The following ST6GAL2 variants were observed in gnomAD, a reference collection of about 807,000 sequenced individuals.
The protein encoded by ST6GAL2 is beta-galactoside alpha-2,6-sialyltransferase 2.
In ST6GAL2, 24 loss-of-function variants were observed where a neutral mutation model predicts 37.5. The ratio of observed to expected loss-of-function variants is 0.64; its 90% CI spans 0.46 to 0.90. The LOEUF (loss-of-function observed/expected upper bound fraction) is 0.90, where lower values mean the gene tolerates loss of function less well. Among genes scored for constraint, ST6GAL2 ranks in the 40% least tolerant of loss-of-function variants. ST6GAL2 has a pLI of 0.00. For missense variants in ST6GAL2, 715 were observed against 712.7 expected, an observed-to-expected ratio of 1.00 and a Z score of -0.04; for synonymous variants, 306 against 295.1, an observed-to-expected ratio of 1.04 and a Z score of -0.38.
intron 1 of ST6GAL2, among the ~76,000 whole-genome samples, chr2:106,866,009 T>C (rs1678010751): frequency 6.6e-6 from 1 of 152,244 alleles, no homozygotes; most frequent in Admixed American, 6.5e-5. Context: ...GCCATCACAT[T>C]GGAAAACTTG....
At chr2:106,836,461 T>C (rs543480100) in intron 2 of ST6GAL2, among the ~76,000 whole-genome samples, 1 of 152,310 alleles carries the variant, frequency 6.6e-6, no homozygotes, top group African/African-American at 2.4e-5. Flanking sequence ...TCTGTTACAT[T>C]AAAACTTGTG....
At chr2:106,807,065 T>G (rs1675441618) in intron 5 of ST6GAL2, 116 bp from the exon 6 acceptor site, 3 of 837,524 alleles carry the variant, frequency 3.6e-6, no homozygotes, top group African/African-American at 3.4e-5. Flanking sequence ...CACTTACTTT[T>G]TTGTTGTTGT....
Position 106,806,573 on chromosome 2 carries a change from A to T in ST6GAL2, c.*105T>A. On this transcript the variant is annotated 3_prime_UTR_variant, in exon 6 of 6. Transcript: ENST00000409382. The stretch of plus-strand genomic sequence containing the variant: ...CATGACCACCACTAAATTACTGTTT[A>T]AAGACTCAAAACTACACTGTCTAAA... 1 of 1,299,340 alleles carries T rather than the reference A, an allele frequency of 7.7e-7. No homozygotes were observed. Among genetic ancestry groups the T allele is most frequent in the Non-Finnish European group, 1.1e-6 (1 of 935,228 alleles). The allele number at this position is 1,299,340 out of a possible 1,614,324, so 80.5% of individuals were successfully genotyped here. A position where few individuals can be genotyped will look rare whatever the true frequency, so the allele number is the denominator to read the frequency against.
At chr2:106,809,237 C>T (rs1675525462) in intron 5 of ST6GAL2, among the ~76,000 whole-genome samples, 2 of 152,334 alleles carry the variant, frequency 1.3e-5, no homozygotes, top group African/African-American at 2.4e-5. Context: ...CAAGGAATCA[C>T]GCTGAAGGGG....
At chr2:106,877,741 C>T (rs895627403) in intron 1 of ST6GAL2, among the ~76,000 whole-genome samples, 8 of 152,224 alleles carry the variant, frequency 5.3e-5, no homozygotes, top group African/African-American at 1.9e-4. Flanking sequence ...ACCATATATA[C>T]ATAAAACAAA....
At chr2:106,811,757 C>G (rs1675617387) in intron 5 of ST6GAL2, among the ~76,000 whole-genome samples, 1 of 152,146 alleles carries the variant, frequency 6.6e-6, no homozygotes, top group Admixed American at 6.5e-5. Context: ...GAGTCACCAC[C>G]ATTAAGGTCC....
intron 5 of ST6GAL2, among the ~76,000 whole-genome samples, chr2:106,819,918 G>T (rs1026632708): frequency 6.6e-6 from 1 of 151,842 alleles, no homozygotes; most frequent in Admixed American, 6.6e-5. Context: ...ATAATGAATT[G>T]AAGATATTAT....
intron 1 of ST6GAL2, among the ~76,000 whole-genome samples, chr2:106,882,370 T>C (rs951222544): frequency 2.0e-5 from 3 of 152,194 alleles, no homozygotes; most frequent in Admixed American, 2.0e-4. Context: ...GCACTTTACC[T>C]TCCTGAGGTT....
rs534278555 is a variant in ST6GAL2, at chr2:106,869,476, T to C, written c.-58+16617A>G. Among the ~76,000 whole-genome samples the C allele has an allele frequency of 3.9e-5, 6 of 152,240 alleles. No homozygotes were observed. The East Asian group carries it at 7.7e-4, about 20-fold the overall frequency. ...AACTCAGGGATAACTGCTCCCATCC[T>C]AGGAAGCCCGCAATTTGGAAATGGG... On this transcript the variant is annotated intron_variant, in intron 1 of 5. Coordinates refer to ENST00000409382, the MANE Select transcript of ST6GAL2 (RefSeq NM_001142351.2).
intron 4 of ST6GAL2, 48 bp from the exon 5 acceptor site, chr2:106,830,288 GA>G: frequency 1.3e-6 from 2 of 1,528,890 alleles, no homozygotes. Flanking sequence ...ACTAAACTAT[GA>G]AAGGAGACAG....
intron 1 of ST6GAL2, among the ~76,000 whole-genome samples, chr2:106,855,923 T>C (rs1350904231): frequency 6.6e-6 from 1 of 152,170 alleles, no homozygotes; most frequent in East Asian, 1.9e-4. Flanking sequence ...ACATGACCAG[T>C]CAAGACAAGA....
At chr2:106,851,830 T>C (rs1281930068) in intron 1 of ST6GAL2, among the ~76,000 whole-genome samples, 1 of 152,206 alleles carries the variant, frequency 6.6e-6, no homozygotes, top group African/African-American at 2.4e-5. Context: ...GTTGAAATAA[T>C]AAAGAAGATT....
At chr2:106,874,853 C>G (rs2104631032) in intron 1 of ST6GAL2, among the ~76,000 whole-genome samples, 1 of 152,286 alleles carries the variant, frequency 6.6e-6, no homozygotes, top group East Asian at 1.9e-4. Flanking sequence ...ATAGACAAGC[C>G]AGCATTTGCA....
chr2:106,879,193 C>A (rs1678638391), intron 1 of ST6GAL2, among the ~76,000 whole-genome samples: 1 of 152,134 alleles, frequency 6.6e-6, no homozygotes, highest in Non-Finnish European at 1.5e-5. Context: ...AAAAAATTAA[C>A]CCTGCCTCTT....
chr2:106,839,615 C>T (rs2104503206), intron 2 of ST6GAL2, among the ~76,000 whole-genome samples: 1 of 152,244 alleles, frequency 6.6e-6, no homozygotes, highest in Middle Eastern at 3.4e-3. Flanking sequence ...AAATCTCAAG[C>T]CCTCTCCACC....
At chr2:106,822,251 G>A (rs1220318542) in intron 5 of ST6GAL2, among the ~76,000 whole-genome samples, 1 of 151,954 alleles carries the variant, frequency 6.6e-6, no homozygotes, top group African/African-American at 2.4e-5. Flanking sequence ...TCTTATATTT[G>A]AAAAAACCTA....
intron 1 of ST6GAL2, among the ~76,000 whole-genome samples, chr2:106,864,506 A>G (rs1677942066): frequency 6.6e-6 from 1 of 152,238 alleles, no homozygotes; most frequent in East Asian, 1.9e-4. Context: ...TTTTTGCAAA[A>G]TGTATTCACA....
intron 1 of ST6GAL2, among the ~76,000 whole-genome samples, chr2:106,878,789 T>C (rs1485606523): frequency 2.0e-5 from 3 of 152,164 alleles, no homozygotes; most frequent in Non-Finnish European, 4.4e-5. Context: ...TGGAGAATAC[T>C]GGAACCAATC....
chr2:106,834,056 T>C lies in ST6GAL2; in HGVS notation c.1034A>G (p.Asn345Ser). 6.2e-7 allele frequency: 1 copy of C among 1,611,740 alleles called. No individual in the cohort carries two copies. Among genetic ancestry groups the C allele is most frequent in the Non-Finnish European group, 8.5e-7 (1 of 1,178,086 alleles). The change falls in exon 3 of 6, where the codon AAT becomes AGT. Residue 345 changes from asparagine to serine, a missense_variant. Asn to Ser is a conservative substitution (Grantham distance 46). Coordinates refer to ENST00000409382, the MANE Select transcript of ST6GAL2 (RefSeq NM_001142351.2). ...ACACTCCATCTGTCTTACCTGCGAATTAATGATGCGTATGGTGGTTTTATT... is the reference window on the plus strand; with the variant it reads ...ACACTCCATCTGTCTTACCTGCGAACTAATGATGCGTATGGTGGTTTTATT... ...VGNKTTIRII[N>S]SQILTNPSHH...
Sources: gnomAD v4.1 joint callset for allele counts (sites outside exome capture counted in the v4.1 genomes callset) on GRCh38, gnomAD v4.1.1 for gene constraint, MANE v1.5 for transcripts, NCBI Gene and HGNC (gene_info 2026-07-23, HGNC 2026-07-21) for gene names.